The following CRISP2 variants were observed in gnomAD, a reference collection of about 807,000 sequenced individuals.
CRISP2 encodes cysteine-rich secretory protein 2.
A neutral mutation model predicts 31.7 loss-of-function variants in CRISP2; 29 were observed. That is an observed-to-expected ratio of 0.92 (90% CI 0.68 to 1.25). The LOEUF is 1.25. Ranked by LOEUF, CRISP2 falls within the 50% of genes most tolerant of loss-of-function variation. CRISP2 has a pLI of 0.00. For synonymous variants in CRISP2, 111 were observed against 101.4 expected, an observed-to-expected ratio of 1.09 and a Z score of -0.57; for missense variants, 318 against 286.5, an observed-to-expected ratio of 1.11 and a Z score of -0.79.
the CRISP2 span, among the ~76,000 whole-genome samples, chr6:49,676,747 T>C: frequency 6.6e-6 from 1 of 152,072 alleles, no homozygotes; most frequent in African/African-American, 2.4e-5. Context: ...AAGGGGTCCT[T>C]TAAGGAGACT....
intron 4 of CRISP2, among the ~76,000 whole-genome samples, chr6:49,703,809 G>C (rs539087541): frequency 6.6e-6 from 1 of 152,254 alleles, no homozygotes; most frequent in Non-Finnish European, 1.5e-5. Flanking sequence ...CTTGACTTCA[G>C]ATAACCTGAT....
chr6:49,696,324 G>A (rs975904439), intron 8 of CRISP2, among the ~76,000 whole-genome samples: 3 of 152,088 alleles, frequency 2.0e-5, no homozygotes, highest in Admixed American at 2.0e-4. Context: ...GTTGTGGCAG[G>A]AAATGAATAT....
At chr6:49,681,118 T>G in the CRISP2 span, among the ~76,000 whole-genome samples, 1 of 152,206 alleles carries the variant, frequency 6.6e-6, no homozygotes, top group African/African-American at 2.4e-5. Context: ...AGAGTTTTTA[T>G]AGTTTTGGGT....
At chr6:49,683,964 A>C in the CRISP2 span, among the ~76,000 whole-genome samples, 1 of 151,888 alleles carries the variant, frequency 6.6e-6, no homozygotes, top group Non-Finnish European at 1.5e-5. Flanking sequence ...CAGGAAGCAG[A>C]ATTGTGGTAG....
downstream of CRISP2, among the ~76,000 whole-genome samples, chr6:49,689,737 C>A (rs1455890587): frequency 3.3e-5 from 5 of 152,138 alleles, no homozygotes; most frequent in Admixed American, 2.0e-4. Flanking sequence ...AAAGTATACT[C>A]TGAGTAAATG....
chr6:49,697,946 G>C lies in CRISP2; in HGVS notation c.429C>G (p.Tyr143Ter), dbSNP rs759029175. ...VVGHYTQLVW[Y>*]STYQVGCGIA... ...TTCCACAGCCTACCTGGTAAGTCGAGTACCAAACAAGCTGCAAATTAACAA... is the reference window on the plus strand; with the variant it reads ...TTCCACAGCCTACCTGGTAAGTCGACTACCAAACAAGCTGCAAATTAACAA... The change falls in exon 8 of 10, where the codon TAC becomes TAG. Residue 143 changes from tyrosine (Y) to a stop codon, truncating the protein, a stop_gained. Coordinates refer to ENST00000339139, the MANE Select transcript of CRISP2 (RefSeq NM_003296.4). LOFTEE classifies it high-confidence loss of function. 1 of 1,592,150 alleles carries C rather than the reference G, an allele frequency of 6.3e-7. No individual in the cohort carries two copies. The highest frequency in any genetic ancestry group is 1.4e-5 in the African/African-American group (1 of 73,740).
chr6:49,699,496 G>A (rs1037618138), intron 6 of CRISP2, among the ~76,000 whole-genome samples: 1 of 152,058 alleles, frequency 6.6e-6, no homozygotes, highest in Admixed American at 6.6e-5. Flanking sequence ...ATGTTCTTGG[G>A]TAAGTCACTT....
chr6:49,701,674 ATATGTATACATTATATATGTATACAT>A (rs1415440986), intron 4 of CRISP2, among the ~76,000 whole-genome samples: 47 of 123,220 alleles, frequency 3.8e-4, no homozygotes, highest in African/African-American at 1.5e-3. Context: ...TATACATTAT[ATATGTATACATTATATATGTATACAT>A]TATGTATACA....
intron 4 of CRISP2, among the ~76,000 whole-genome samples, chr6:49,702,156 T>TGTGTACATATATATATATGTGTAC (rs1293697826): frequency 9.1e-5 from 6 of 66,248 alleles, no homozygotes; most frequent in African/African-American, 3.7e-4. Flanking sequence ...TATATATATA[T>TGTGTACATATATATATATGTGTAC]ATATATATAT....
the CRISP2 span, among the ~76,000 whole-genome samples, chr6:49,684,492 T>A: frequency 6.6e-6 from 1 of 152,198 alleles, no homozygotes; most frequent in African/African-American, 2.4e-5. Context: ...GAGGACCGAC[T>A]ATATAAGGAA....
downstream of CRISP2, among the ~76,000 whole-genome samples, chr6:49,688,625 A>C (rs1456270302): frequency 1.3e-5 from 2 of 152,122 alleles, no homozygotes; most frequent in African/African-American, 4.8e-5. Flanking sequence ...ATTGCCTCTA[A>C]ATTTTGTAGA....
chr6:49,679,916 G>A, the CRISP2 span, among the ~76,000 whole-genome samples: 1 of 152,102 alleles, frequency 6.6e-6, no homozygotes, highest in African/African-American at 2.4e-5. Flanking sequence ...ATGTTGGTCA[G>A]GTTGGTCTCG....
intron 1 of CRISP2, among the ~76,000 whole-genome samples, chr6:49,712,902 A>G (rs1414823837): frequency 2.0e-5 from 3 of 151,984 alleles, no homozygotes; most frequent in East Asian, 3.9e-4. Context: ...AAGACTCCCA[A>G]CCCCTTATCT....
intron 4 of CRISP2, among the ~76,000 whole-genome samples, chr6:49,702,428 C>G (rs1766256140): frequency 6.6e-6 from 1 of 151,658 alleles, no homozygotes. Flanking sequence ...TTCCCACCAG[C>G]AGTACAAAAG....
At chr6:49,682,624 TTTCTTTCTTTCTTTCTTTC>T in the CRISP2 span, among the ~76,000 whole-genome samples, 4 of 68,068 alleles carry the variant, frequency 5.9e-5, no homozygotes, top group South Asian at 2.6e-3. Context: ...TCTTTCTTTC[TTTCTTTCTTTCTTTCTTTC>T]TTCTTTCTTT....
chr6:49,704,767 C>T (rs1264332973), intron 4 of CRISP2, among the ~76,000 whole-genome samples: 1 of 152,152 alleles, frequency 6.6e-6, no homozygotes, highest in African/African-American at 2.4e-5. Context: ...GTGAAGTGGA[C>T]TCTGTGAGAG....
chr6:49,689,626 C>G (rs917039977), downstream of CRISP2, among the ~76,000 whole-genome samples: 1 of 151,938 alleles, frequency 6.6e-6, no homozygotes, highest in Non-Finnish European at 1.5e-5. Context: ...ACGCTTTAAT[C>G]ATTAAAAATT....
chr6:49,694,957 C>T (rs539670084), intron 9 of CRISP2, among the ~76,000 whole-genome samples: 1 of 152,110 alleles, frequency 6.6e-6, no homozygotes, highest in Admixed American at 6.5e-5. Context: ...TGGTCTCGAA[C>T]TCCTGACCTT....
At chr6:49,697,506 CCCTAAAGCAT>C (rs1764968847) in intron 8 of CRISP2, among the ~76,000 whole-genome samples, 1 of 151,958 alleles carries the variant, frequency 6.6e-6, no homozygotes, top group Non-Finnish European at 1.5e-5. Context: ...CTCACCAGCA[CCCTAAAGCAT>C]CTATACTCCT....
Sources: allele counts gnomAD v4.1 joint callset (sites outside exome capture counted in the v4.1 genomes callset), GRCh38; gene constraint gnomAD v4.1.1; transcripts MANE v1.5; gene names NCBI Gene and HGNC (gene_info 2026-07-23, HGNC 2026-07-21).